Variants in CXADR observed in about 807,000 individuals in gnomAD.
CXADR encodes the protein CXADR cell adhesion molecule.
In CXADR, 20 loss-of-function variants were observed where a neutral mutation model predicts 40.3. The ratio of observed to expected loss-of-function variants is 0.50; its 90% CI spans 0.35 to 0.72. CXADR has a LOEUF of 0.72. Ranked by LOEUF, CXADR falls within the 30% of genes least tolerant of loss-of-function variation. The probability of loss-of-function intolerance (pLI) is 0.01; values close to 1 mark genes in which losing one functional copy is unlikely to be tolerated. For synonymous variants in CXADR, 150 were observed against 161.3 expected (o/e 0.93, Z 0.53); for missense variants, 332 against 449.1 (o/e 0.74, Z 2.36).
At chr21:17,597,190 A>T (rs2061515016), downstream of CXADR, among the ~76,000 whole-genome samples, 1 of 152,114 alleles carries the variant, frequency 6.6e-6, no homozygotes, top group Admixed American at 6.5e-5. Flanking sequence ...GGGAAAATAA[A>T]TGCAATTTAA....
chr21:17,525,230 A>C (rs2123137801), intron 1 of CXADR, among the ~76,000 whole-genome samples: 1 of 152,350 alleles, frequency 6.6e-6, no homozygotes, highest in Non-Finnish European at 1.5e-5. Context: ...TCTTTCAAAG[A>C]TATTTCTTAC....
intron 3 of CXADR, 86 bp from the exon 4 acceptor site, chr21:17,558,890 A>G: frequency 1.5e-6 from 2 of 1,346,310 alleles, no homozygotes; most frequent in African/African-American, 1.5e-5. Context: ...CCAACTGATA[A>G]TGAGTCAGTG....
chr21:17,534,100 A>ATATTTTTTTT (rs1179683085), intron 1 of CXADR, among the ~76,000 whole-genome samples: 1 of 60,070 alleles, frequency 1.7e-5, no homozygotes, highest in African/African-American at 8.9e-5. Flanking sequence ...ATATATATAT[A>ATATTTTTTTT]TTTTTTTTTT....
chr21:17,555,369 A>G (rs1479042795), intron 3 of CXADR, among the ~76,000 whole-genome samples: 1 of 152,204 alleles, frequency 6.6e-6, no homozygotes, highest in African/African-American at 2.4e-5. Context: ...GCCCCTCACT[A>G]CTTTTTATTT....
At chr21:17,561,062 T>C (rs574236728) in intron 5 of CXADR, among the ~76,000 whole-genome samples, 4 of 152,200 alleles carry the variant, frequency 2.6e-5, no homozygotes, top group Non-Finnish European at 4.4e-5. Context: ...TTAGCTGTTA[T>C]AAGTATGAGT....
intron 7 of CXADR, chr21:17,576,691 T>A (rs946741592): frequency 1.3e-5 from 2 of 152,132 alleles, no homozygotes; most frequent in African/African-American, 4.8e-5. Context: ...CCTTTGGGAT[T>A]TTTACAGTAA....
chr21:17,630,976 T>A, the CXADR span, among the ~76,000 whole-genome samples: 3 of 152,096 alleles, frequency 2.0e-5, no homozygotes, highest in Non-Finnish European at 4.4e-5. Context: ...GAAAGAGAGA[T>A]GACGCAGAGA....
At chr21:17,529,266 C>A (rs538193638) in intron 1 of CXADR, among the ~76,000 whole-genome samples, 1 of 151,776 alleles carries the variant, frequency 6.6e-6, no homozygotes, top group Non-Finnish European at 1.5e-5. Flanking sequence ...CTCCTGACTT[C>A]GTGATTCACC....
chr21:17,552,365 G>C (rs1257348213), intron 3 of CXADR, among the ~76,000 whole-genome samples: 1 of 152,194 alleles, frequency 6.6e-6, no homozygotes, highest in Non-Finnish European at 1.5e-5. Flanking sequence ...TTGAATTCAA[G>C]TAAGGCCATT....
chr21:17,559,669 GTT>G (rs1447996912), intron 4 of CXADR, among the ~76,000 whole-genome samples: 2 of 27,896 alleles, frequency 7.2e-5, no homozygotes, highest in Admixed American at 5.1e-4. Flanking sequence ...TTTTTTTTGG[GTT>G]TTTTTTTTTT....
chr21:17,536,223 TTTC>T (rs955267631), intron 1 of CXADR, among the ~76,000 whole-genome samples: 18 of 152,332 alleles, frequency 1.2e-4, no homozygotes, highest in Non-Finnish European at 2.6e-4. Flanking sequence ...AATAAAAGTT[TTTC>T]TTAACATACT....
chr21:17,544,063 A>G (rs994342253), intron 1 of CXADR, among the ~76,000 whole-genome samples: 1 of 152,192 alleles, frequency 6.6e-6, no homozygotes, highest in Non-Finnish European at 1.5e-5. Flanking sequence ...TTTCACCATA[A>G]AATTTATAGA....
intron 1 of CXADR, among the ~76,000 whole-genome samples, chr21:17,537,597 G>C (rs2060775333): frequency 6.6e-6 from 1 of 152,038 alleles, no homozygotes. Context: ...CTGTGCATGT[G>C]CCATCACTGA....
chr21:17,543,554 A>G (rs1199188205), intron 1 of CXADR, among the ~76,000 whole-genome samples: 1 of 152,212 alleles, frequency 6.6e-6, no homozygotes, highest in Admixed American at 6.5e-5. Context: ...TCTTAGCTCC[A>G]TATTTGAACT....
chr21:17,565,839 A>C lies in CXADR; in HGVS notation c.*147A>C. On this transcript the variant is annotated 3_prime_UTR_variant, in exon 7 of 7. Coordinates refer to ENST00000284878, the MANE Select transcript of CXADR (RefSeq NM_001338.5). ...AACTGTACGGAATATATTTTTAAAAATTTTTGTTTGGTTATATCGAAATAG... is the reference window on the plus strand; with the variant it reads ...AACTGTACGGAATATATTTTTAAAACTTTTTGTTTGGTTATATCGAAATAG... 7.6e-7 allele frequency: 1 copy of C among 1,320,434 alleles called. No individual in the cohort carries two copies. The highest frequency in any genetic ancestry group is 1.5e-5 in the African/African-American group (1 of 66,948). The allele number at this position is 1,320,434 out of a possible 1,614,324, so 81.8% of individuals were successfully genotyped here.
At chr21:17,550,589 T>TTTGG (rs1298895365) in intron 2 of CXADR, among the ~76,000 whole-genome samples, 2 of 152,200 alleles carry the variant, frequency 1.3e-5, no homozygotes, top group Non-Finnish European at 2.9e-5. Flanking sequence ...TTATTTGAGT[T>TTTGG]TTGGCATCAC....
chr21:17,575,952 G>GTGGT (rs1295441446), intron 7 of CXADR, among the ~76,000 whole-genome samples: 2 of 151,520 alleles, frequency 1.3e-5, no homozygotes, highest in Non-Finnish European at 2.9e-5. Flanking sequence ...GCCAGGCATG[G>GTGGT]TGGTGGGTGT....
intron 3 of CXADR, among the ~76,000 whole-genome samples, chr21:17,554,826 A>C (rs994478758): frequency 1.5e-4 from 23 of 151,600 alleles, no homozygotes; most frequent in South Asian, 2.1e-4. Context: ...TGATTGACTG[A>C]TAGTGGCTCT....
chr21:17,603,615 A>AGGCCAGGT, the CXADR span, among the ~76,000 whole-genome samples: 9 of 152,230 alleles, frequency 5.9e-5, no homozygotes, highest in African/African-American at 1.9e-4. Flanking sequence ...ATCAATAAAG[A>AGGCCAGGT]GGCCAGGTGG....
Sources: gnomAD v4.1 joint callset for allele counts (sites outside exome capture counted in the v4.1 genomes callset) on GRCh38, gnomAD v4.1.1 for gene constraint, MANE v1.5 for transcripts, NCBI Gene and HGNC (gene_info 2026-07-23, HGNC 2026-07-21) for gene names.